The following RIN3 variants were observed in gnomAD, a reference collection of about 807,000 sequenced individuals.
The protein encoded by RIN3 is RAB5 interacting protein 3.
In RIN3, 54 loss-of-function variants were observed where a neutral mutation model predicts 76.3. The ratio of observed to expected loss-of-function variants is 0.71; its 90% confidence interval spans 0.57 to 0.89. RIN3 has a LOEUF of 0.89. RIN3 is among the 40% of genes least tolerant of loss of function. The pLI is 0.00. For missense variants in RIN3, 1,256 were observed against 1,322.1 expected, an observed-to-expected ratio of 0.95 and a Z score of 0.78; for synonymous variants, 576 against 564.0, an observed-to-expected ratio of 1.02 and a Z score of -0.30.
At chr14:92,535,714 G>A (rs146042364) in intron 1 of RIN3, among the ~76,000 whole-genome samples, 3,256 of 131,278 alleles carry the variant, frequency 0.025, 120 homozygotes, top group African/African-American at 0.091. Flanking sequence ...TTGCTCTGTC[G>A]CCTAGGCTGG....
chr14:92,624,272 A>G (rs144554842), intron 4 of RIN3, among the ~76,000 whole-genome samples: 2 of 152,298 alleles, frequency 1.3e-5, no homozygotes, highest in African/African-American at 4.8e-5. Context: ...ACGTGGAGAT[A>G]TGAGGGATGG....
chr14:92,584,018 C>T (rs548806006), intron 3 of RIN3, among the ~76,000 whole-genome samples: 100 of 152,308 alleles, frequency 6.6e-4, no homozygotes, highest in Non-Finnish European at 1.0e-3. Context: ...CTGTGCGCCC[C>T]GGTTCCTACC....
At chr14:92,593,300 G>T (rs918871755) in intron 3 of RIN3, among the ~76,000 whole-genome samples, 2 of 152,108 alleles carry the variant, frequency 1.3e-5, no homozygotes, top group Non-Finnish European at 2.9e-5. Flanking sequence ...TAACAAATAT[G>T]GTAGATGTCA....
intron 6 of RIN3, among the ~76,000 whole-genome samples, chr14:92,658,586 G>A (rs936785234): frequency 1.3e-5 from 2 of 152,216 alleles, no homozygotes; most frequent in African/African-American, 2.4e-5. Context: ...GAGACTATAA[G>A]GGCCAGGGCA....
chr14:92,664,364 C>CTTTT (rs373597134), intron 7 of RIN3, among the ~76,000 whole-genome samples: 299 of 84,440 alleles, frequency 3.5e-3, no homozygotes, highest in East Asian at 7.6e-3. Flanking sequence ...TTCTTTCTTT[C>CTTTT]TTTTTTTTTT....
intron 1 of RIN3, among the ~76,000 whole-genome samples, chr14:92,527,793 T>C (rs1374553955): frequency 5.9e-5 from 9 of 152,064 alleles, no homozygotes; most frequent in African/African-American, 1.2e-4. Context: ...GCCACATGCA[T>C]TTGAGGTCTG....
chr14:92,675,500 G>T (rs977150406), intron 7 of RIN3, among the ~76,000 whole-genome samples: 45 of 152,228 alleles, frequency 3.0e-4, no homozygotes, highest in Admixed American at 2.8e-3. Context: ...TCCAGACCTG[G>T]TAACCCCCGG....
intron 2 of RIN3, among the ~76,000 whole-genome samples, chr14:92,574,049 A>C (rs1049711229): frequency 6.6e-6 from 1 of 152,214 alleles, no homozygotes; most frequent in Non-Finnish European, 1.5e-5. Context: ...CCCTGCCATG[A>C]AGCAGTGTCG....
intron 1 of RIN3, among the ~76,000 whole-genome samples, chr14:92,542,705 T>A (rs1897155492): frequency 6.6e-6 from 1 of 152,220 alleles, no homozygotes; most frequent in African/African-American, 2.4e-5. Flanking sequence ...ATGTGGCATC[T>A]CCATACAATG....
intron 4 of RIN3, among the ~76,000 whole-genome samples, chr14:92,621,079 G>C (rs1886160764): frequency 6.6e-6 from 1 of 151,938 alleles, no homozygotes; most frequent in African/African-American, 2.4e-5. Flanking sequence ...ACCAGGTCAG[G>C]AGATGGAGAC....
intron 6 of RIN3, among the ~76,000 whole-genome samples, chr14:92,655,497 C>G (rs1378160871): frequency 6.6e-6 from 1 of 152,254 alleles, no homozygotes; most frequent in Non-Finnish European, 1.5e-5. Flanking sequence ...TTGTGAGCCT[C>G]TCTATCAACC....
intron 6 of RIN3, 99 bp from the exon 7 acceptor site, chr14:92,659,062 G>A: frequency 8.8e-7 from 1 of 1,138,062 alleles, no homozygotes; most frequent in Non-Finnish European, 1.3e-6. Context: ...TCCTTCCAGG[G>A]GCCAGGGGAT....
In RIN3 at chr14:92,652,299, G is replaced by A; in HGVS notation, c.1250G>A (p.Gly417Glu). The A allele has an allele frequency of 3.7e-6, 6 of 1,609,676 alleles. No homozygotes were observed. The highest frequency in any genetic ancestry group is 5.1e-6 in the Non-Finnish European group (6 of 1,177,088). Reference protein sequence around the residue: ...EGDQLSLPPQGTSDGPEDTPR... With the variant: ...EGDQLSLPPQETSDGPEDTPR... ...GACCAGCTCAGCCTGCCTCCCCAAG[G>A]GACCTCAGACGGCCCTGAGGACACG... is the stretch of plus-strand genomic sequence containing the variant. Residue 417 changes from glycine to glutamate, a missense_variant, in exon 6 of 10, where the codon GGG becomes GAG. Transcript: ENST00000216487. This position sits in a 1 kb window ranked among gnomAD's most constrained non-coding sequence, Gnocchi z 6.4.
chr14:92,529,274 A>G (rs1374678257), intron 1 of RIN3, among the ~76,000 whole-genome samples: 2 of 144,072 alleles, frequency 1.4e-5, no homozygotes, highest in African/African-American at 5.2e-5. Flanking sequence ...TTTGAGATGG[A>G]GTCTCGCACT....
In RIN3 at chr14:92,652,876, G is replaced by A. The variant is rs776040640; in HGVS notation, c.1827G>A (p.Ala609=). 8.1e-6 allele frequency: 13 copies of A among 1,613,984 alleles called. No individual in the cohort carries two copies. The highest frequency in any genetic ancestry group is 5.5e-5 in the South Asian group (5 of 91,094). ...RKLYKKVVEL[A]QDKGSYFGSL... ...TGTACAAGAAGGTGGTGGAGCTGGCGCAGGACAAGGGCTCGTACTTTGGCA... is the reference window on the plus strand; with the variant it reads ...TGTACAAGAAGGTGGTGGAGCTGGCACAGGACAAGGGCTCGTACTTTGGCA... The change falls in exon 6 of 10, where the codon GCG becomes GCA. Residue 609 remains alanine (A), a synonymous_variant. Transcript: ENST00000216487. The surrounding 1 kb of genome is among the most constrained non-coding windows in gnomAD (Gnocchi z 6.4).
At chr14:92,630,771 C>T (rs1344727317) in intron 4 of RIN3, among the ~76,000 whole-genome samples, 1 of 152,196 alleles carries the variant, frequency 6.6e-6, no homozygotes, top group Admixed American at 6.5e-5. Context: ...AGCTCCCAGG[C>T]CTGAGTTTGT....
rs181799810 is a variant in RIN3 at position 92,531,682 on chromosome 14, G to A, written c.44+17706G>A. ...GACTCAGTGTCACCAGGGGGTGGGAGCAATGTGACGCTGTGTAGTTTCCTG... is the reference window on the plus strand; with the variant it reads ...GACTCAGTGTCACCAGGGGGTGGGAACAATGTGACGCTGTGTAGTTTCCTG... On this transcript the variant is annotated intron_variant, in intron 1 of 9. Coordinates refer to ENST00000216487, the MANE Select transcript of RIN3 (RefSeq NM_024832.5). Among the ~76,000 whole-genome samples the A allele has an allele frequency of 8.9e-4, 136 of 152,314 alleles. 1 individual carries two copies. The highest frequency in any genetic ancestry group is 1.6e-3 in the Non-Finnish European group (107 of 68,022).
chr14:92,639,942 G>A (rs975643345), intron 4 of RIN3, among the ~76,000 whole-genome samples: 34 of 150,754 alleles, frequency 2.3e-4, no homozygotes, highest in Non-Finnish European at 1.5e-4. Context: ...CTGACTGTGC[G>A]TTTGCTGGGA....
intron 1 of RIN3, among the ~76,000 whole-genome samples, chr14:92,538,002 T>C (rs1351127779): frequency 6.6e-6 from 1 of 151,994 alleles, no homozygotes; most frequent in East Asian, 1.9e-4. Flanking sequence ...CTTTTTTGTA[T>C]TTTTAGTAGA....
Sources: gnomAD v4.1 joint callset for allele counts (sites outside exome capture counted in the v4.1 genomes callset) on GRCh38, gnomAD v4.1.1 for gene constraint, Gnocchi (gnomAD v3.1) non-coding constraint, MANE v1.5 for transcripts, NCBI Gene and HGNC (gene_info 2026-07-23, HGNC 2026-07-21) for gene names.